Variants in SH2D4B observed in about 807,000 individuals in gnomAD.
SH2D4B encodes SH2 domain containing 4B.
Under a neutral mutation model 61.5 loss-of-function variants are expected in SH2D4B, and 45 were observed. The ratio of observed to expected loss-of-function variants is 0.73; its 90% CI spans 0.58 to 0.94. The LOEUF is 0.94. Among genes scored for constraint, SH2D4B ranks in the 40% least tolerant of loss-of-function variants. The pLI is 0.00. For missense variants in SH2D4B, 572 were observed against 574.2 expected (o/e 1.00, Z 0.04); for synonymous variants, 224 against 220.4 (o/e 1.02, Z -0.14).
intron 1 of SH2D4B, among the ~76,000 whole-genome samples, chr10:80,554,935 G>T (rs1268220937): frequency 1.3e-5 from 2 of 149,160 alleles, no homozygotes; most frequent in African/African-American, 5.0e-5. Context: ...CGTGAACCCA[G>T]GAGGCGGAGG....
chr10:80,587,199 G>A (rs182061516), intron 3 of SH2D4B, among the ~76,000 whole-genome samples: 28 of 137,470 alleles, frequency 2.0e-4, no homozygotes, highest in African/African-American at 7.6e-4. Context: ...GCAGTGGCGC[G>A]ATCTCGGCTC....
chr10:80,557,784 A>C (rs1209633720), intron 1 of SH2D4B, among the ~76,000 whole-genome samples: 1 of 151,698 alleles, frequency 6.6e-6, no homozygotes, highest in Admixed American at 6.6e-5. Context: ...TCAAAAACTA[A>C]TTTTCGTTTG....
chr10:80,617,763 T>C (rs1589359353), intron 6 of SH2D4B, among the ~76,000 whole-genome samples: 1 of 152,348 alleles, frequency 6.6e-6, no homozygotes. Context: ...TCTCTCCATC[T>C]CTCAGCTCTG....
chr10:80,634,312 C>A lies in SH2D4B; in HGVS notation c.1016C>A (p.Ala339Asp). ...HGIISREDAE[A>D]LLENMTEGAF... is the part of the protein sequence containing the mutation. ...ATTATTAGCCGAGAAGATGCAGAAG[C>A]TCTCCTGGAGAACATGACTGAGGGA... The change falls in exon 7 of 8, where the codon GCT becomes GAT. Residue 339 changes from alanine (A) to aspartate (D), a missense_variant. By Grantham distance (126) the Ala-to-Asp change is moderately radical (BLOSUM62 -2). Coordinates refer to ENST00000646907, the MANE Select transcript of SH2D4B (RefSeq NM_001388272.1). 1 of 1,516,664 alleles carries A rather than the reference C, an allele frequency of 6.6e-7. No individual in the cohort carries two copies. Among genetic ancestry groups the A allele is most frequent in the Non-Finnish European group, 8.9e-7 (1 of 1,128,524 alleles). 94.0% of individuals were successfully genotyped at this position (1,516,664 alleles called of 1,614,324 possible).
At chr10:80,581,166 C>G (rs565912418) in intron 3 of SH2D4B, among the ~76,000 whole-genome samples, 28 of 152,278 alleles carry the variant, frequency 1.8e-4, no homozygotes, top group Admixed American at 4.6e-4. Flanking sequence ...GCCTCTGGTT[C>G]CCTGGGTGGT....
At chr10:80,553,929 A>G (rs1841793722) in intron 1 of SH2D4B, among the ~76,000 whole-genome samples, 1 of 152,188 alleles carries the variant, frequency 6.6e-6, no homozygotes, top group Non-Finnish European at 1.5e-5. Context: ...TGGCTTTGGT[A>G]AGATACTCAT....
chr10:80,547,018 T>C (rs1841689234), intron 1 of SH2D4B, among the ~76,000 whole-genome samples: 1 of 152,232 alleles, frequency 6.6e-6, no homozygotes, highest in African/African-American at 2.4e-5. Context: ...GTATTTCATC[T>C]CTCAAGATTT....
intron 1 of SH2D4B, among the ~76,000 whole-genome samples, chr10:80,555,002 CAA>C (rs35160548): frequency 0.084 from 5,341 of 63,280 alleles, 70 homozygotes; most frequent in Middle Eastern, 0.12. Context: ...AGGCGAGTCT[CAA>C]AAAAAAAAAA....
intron 1 of SH2D4B, 144 bp from the exon 2 acceptor site, chr10:80,570,010 C>G (rs1842019342): frequency 2.0e-6 from 2 of 999,628 alleles, no homozygotes; most frequent in Non-Finnish European, 2.9e-6. Flanking sequence ...GACCTGCCCC[C>G]AGGCCAGTGT....
intron 1 of SH2D4B, among the ~76,000 whole-genome samples, chr10:80,549,871 C>G (rs1413180422): frequency 6.6e-6 from 1 of 152,198 alleles, no homozygotes; most frequent in Non-Finnish European, 1.5e-5. Flanking sequence ...GGGTCACCCA[C>G]AGTCACCGGT....
chr10:80,590,659 C>G (rs556742078), intron 4 of SH2D4B, among the ~76,000 whole-genome samples: 1 of 151,988 alleles, frequency 6.6e-6, no homozygotes, highest in African/African-American at 2.4e-5. Context: ...TACTGGCCAG[C>G]CTTCTGGTCC....
At chr10:80,587,453 A>C (rs549150991) in intron 3 of SH2D4B, among the ~76,000 whole-genome samples, 1 of 151,954 alleles carries the variant, frequency 6.6e-6, no homozygotes, top group African/African-American at 2.4e-5. Flanking sequence ...CTAATTTTGT[A>C]TTTTTAGTAG....
At chr10:80,581,322 C>T (rs779531794) in intron 3 of SH2D4B, among the ~76,000 whole-genome samples, 1 of 152,196 alleles carries the variant, frequency 6.6e-6, no homozygotes, top group East Asian at 1.9e-4. Flanking sequence ...ATAGGCCAGT[C>T]AGACACTTAT....
chr10:80,550,075 C>T (rs1230311368), intron 1 of SH2D4B, among the ~76,000 whole-genome samples: 16 of 27,492 alleles, frequency 5.8e-4, no homozygotes, highest in Admixed American at 2.9e-3. Flanking sequence ...TGGTGGGGAG[C>T]GGGGGGTGGG....
intron 4 of SH2D4B, among the ~76,000 whole-genome samples, chr10:80,599,643 C>T (rs1230037278): frequency 1.3e-4 from 20 of 152,162 alleles, no homozygotes; most frequent in Admixed American, 1.3e-3. Context: ...GCTTCAGGAC[C>T]ACAAGGGTGG....
rs374856801 is a variant in SH2D4B, at chr10:80,603,665, A to G, written c.730A>G (p.Ile244Val). The change falls in exon 5 of 8, where the codon ATC becomes GTC. Residue 244 changes from isoleucine (I) to valine (V), a missense_variant. Physicochemically the swap from Ile to Val is conservative, Grantham distance 29. Coordinates refer to ENST00000646907, the MANE Select transcript of SH2D4B (RefSeq NM_001388272.1). The part of the protein sequence containing the change: ...DEYRHHSLRA[I>V]QKGTVAGLSS... ...GTACCGACACCACTCGCTCCGTGCTATCCAGAAGGGCACGGTCGCTGGCCT... is the reference window on the plus strand; with the variant it reads ...GTACCGACACCACTCGCTCCGTGCTGTCCAGAAGGGCACGGTCGCTGGCCT... The G allele has an allele frequency of 1.2e-5, 19 of 1,609,422 alleles. No homozygotes were observed. In the South Asian group the frequency reaches 1.9e-4, roughly 16 times the overall value.
intron 4 of SH2D4B, among the ~76,000 whole-genome samples, chr10:80,590,993 A>G (rs1842318511): frequency 6.6e-6 from 1 of 150,648 alleles, no homozygotes; most frequent in Non-Finnish European, 1.5e-5. Flanking sequence ...AGACACCAAA[A>G]CATTATGTGG....
rs1400292123 is a variant in SH2D4B, at chr10:80,640,484, G to A, written c.1210-3509G>A. Among the ~76,000 whole-genome samples the A allele has an allele frequency of 3.3e-5, 5 of 152,112 alleles. No homozygotes were observed. The East Asian group carries it at 9.7e-4, about 29-fold the overall frequency. On this transcript the variant is annotated intron_variant, in intron 7 of 7. Transcript: ENST00000646907. The stretch of plus-strand genomic sequence containing the variant: ...CCATATTTCTTGGAGGCTTTGTTCG[G>A]TTCTTTTTACTCTTTTTTCTCTAAA...
At position 80,610,510 on chromosome 10, in the gene SH2D4B, C is replaced by A. The variant is rs140690872; in HGVS notation, c.988+959C>A. Among the ~76,000 whole-genome samples the A allele has an allele frequency of 1.6e-4, 24 of 152,260 alleles. No individual in the cohort carries two copies. In the East Asian group the frequency reaches 2.9e-3, roughly 18 times the overall value. ...GCTTCTCTGCATTGAAAATCCAGAG[C>A]CACACATGTGAGGGTCAGATGAGCC... On this transcript the variant is annotated intron_variant, in intron 6 of 7. Transcript: ENST00000646907.
Sources: gnomAD v4.1 joint callset for allele counts (sites outside exome capture counted in the v4.1 genomes callset) on GRCh38, gnomAD v4.1.1 for gene constraint, MANE v1.5 for transcripts, NCBI Gene and HGNC (gene_info 2026-07-23, HGNC 2026-07-21) for gene names.